ENOX1: variants seen among roughly 807,000 people sequenced by gnomAD.
The protein encoded by ENOX1 is ecto-NOX disulfide-thiol exchanger 1.
Under a neutral mutation model 82.5 loss-of-function variants are expected in ENOX1, and 42 were observed. The ratio of observed to expected loss-of-function variants is 0.51; its 90% CI spans 0.40 to 0.66. ENOX1 has a LOEUF of 0.66. ENOX1 is among the 30% of genes least tolerant of loss of function. ENOX1 has a pLI of 0.00. For missense variants in ENOX1, 608 were observed against 811.6 expected (o/e 0.75, Z 3.05); for synonymous variants, 271 against 282.2 (o/e 0.96, Z 0.40).
intron 2 of ENOX1, among the ~76,000 whole-genome samples, chr13:43,512,419 T>A (rs1360012288): frequency 6.6e-6 from 1 of 152,162 alleles, no homozygotes; most frequent in Non-Finnish European, 1.5e-5. Context: ...GGAAATGTCA[T>A]GTGAGCTGCC....
At chr13:43,332,867 A>AT (rs1467306259) in intron 9 of ENOX1, among the ~76,000 whole-genome samples, 1 of 152,070 alleles carries the variant, frequency 6.6e-6, no homozygotes, top group Admixed American at 6.5e-5. Flanking sequence ...AAGGGACGAT[A>AT]TAAAAAAAAA....
chr13:43,736,244 C>T (rs1436213909), intron 1 of ENOX1, among the ~76,000 whole-genome samples: 1 of 152,088 alleles, frequency 6.6e-6, no homozygotes, highest in Non-Finnish European at 1.5e-5. Context: ...CAAATTATGA[C>T]AAGAAAATTA....
chr13:43,321,019 T>A (rs891716140), intron 11 of ENOX1: 1 of 455,962 alleles, frequency 2.2e-6, no homozygotes, highest in African/African-American at 2.0e-5. Context: ...CATTGACACA[T>A]AAGTGCTGGG....
rs2048112801 is a variant in ENOX1 at position 43,326,329 on chromosome 13, A to ATT, written c.1143+89_1143+90insAA. The ATT allele has an allele frequency of 3.7e-6, 4 of 1,095,132 alleles. No individual in the cohort carries two copies. The Admixed American group carries it at 8.1e-5, about 22-fold the overall frequency. The allele number at this position is 1,095,132 out of a possible 1,614,324, so 67.8% of individuals were successfully genotyped here. On this transcript the variant is annotated intron_variant, in intron 10 of 16. Transcript: ENST00000690772. ...GACAATGGCAGGCGGACTGCCCACT[A>ATT]TAACAGAAACCATCATGGCTGCAGC...
Position 43,412,942 on chromosome 13 carries a change from A to G in ENOX1, c.-28T>C, listed in dbSNP as rs764546322. 1.9e-6 allele frequency: 3 copies of G among 1,613,446 alleles called. No homozygotes were observed. In the Admixed American group the frequency reaches 5.0e-5, roughly 27 times the overall value. ...AATTATGAGTGTCCAGAGGGGCAGG[A>G]ACACTTTGATGGCTGAGTGCAGGGT... On this transcript the variant is annotated 5_prime_UTR_variant, in exon 4 of 17. Coordinates refer to ENST00000690772, the MANE Select transcript of ENOX1 (RefSeq NM_001347969.2).
intron 12 of ENOX1, among the ~76,000 whole-genome samples, chr13:43,284,690 A>T (rs778363763): frequency 2.6e-5 from 4 of 152,162 alleles, no homozygotes; most frequent in African/African-American, 9.7e-5. Context: ...TCTTCCTTGG[A>T]AACTTACTGA....
chr13:43,602,440 A>G (rs2081766474), intron 2 of ENOX1, among the ~76,000 whole-genome samples: 1 of 152,128 alleles, frequency 6.6e-6, no homozygotes, highest in Non-Finnish European at 1.5e-5. Flanking sequence ...ATCAAATGAA[A>G]ATTTCAATAA....
At chr13:43,424,826 A>G (rs2055192761) in intron 3 of ENOX1, among the ~76,000 whole-genome samples, 1 of 152,124 alleles carries the variant, frequency 6.6e-6, no homozygotes, top group African/African-American at 2.4e-5. Flanking sequence ...TGGTATGGCT[A>G]TATCACTGGG....
chr13:43,721,909 A>G (rs967800362), intron 1 of ENOX1, among the ~76,000 whole-genome samples: 1 of 152,172 alleles, frequency 6.6e-6, no homozygotes, highest in Non-Finnish European at 1.5e-5. Context: ...AATGTGGTGT[A>G]TAAGGACGAA....
intron 2 of ENOX1, among the ~76,000 whole-genome samples, chr13:43,599,822 T>A (rs966260129): frequency 3.3e-5 from 5 of 151,046 alleles, no homozygotes; most frequent in African/African-American, 1.2e-4. Context: ...AAGTCCAAGT[T>A]CAGGACTTGC....
intron 1 of ENOX1, among the ~76,000 whole-genome samples, chr13:43,754,069 T>G (rs1350356077): frequency 6.9e-6 from 1 of 145,000 alleles, no homozygotes. Context: ...CATATATACG[T>G]ATATAAATAC....
chr13:43,696,479 A>T (rs78050616), intron 1 of ENOX1, among the ~76,000 whole-genome samples: 3,324 of 152,210 alleles, frequency 0.022, 120 homozygotes, highest in African/African-American at 0.074. Context: ...AGTAATTGGG[A>T]TACTTCAAAA....
intron 3 of ENOX1, among the ~76,000 whole-genome samples, chr13:43,453,055 T>C (rs2057048903): frequency 6.6e-6 from 1 of 152,232 alleles, no homozygotes; most frequent in Admixed American, 6.5e-5. Flanking sequence ...CAAGCTGTGC[T>C]ATGCTTGCTA....
intron 11 of ENOX1, among the ~76,000 whole-genome samples, chr13:43,319,156 C>T (rs2047673094): frequency 6.6e-6 from 1 of 152,198 alleles, no homozygotes; most frequent in African/African-American, 2.4e-5. Flanking sequence ...ATTATCTTCA[C>T]AGGCTTCAGA....
chr13:43,230,764 C>T lies in ENOX1; in HGVS notation c.1714+5872G>A, dbSNP rs2042242070. ...TAGAGATCATTAGGTATTATGGTTT[C>T]TCCTTTGCATCCTTATACAAAAGAT... On this transcript the variant is annotated intron_variant, in intron 15 of 16. Transcript: ENST00000690772. Among the ~76,000 whole-genome samples the T allele has an allele frequency of 2.0e-5, 3 of 152,158 alleles. No individual in the cohort carries two copies. In the South Asian group the frequency reaches 6.2e-4, roughly 32 times the overall value.
Position 43,375,768 on chromosome 13 carries a change from C to T in ENOX1, c.209-14316G>A, listed in dbSNP as rs532510639. On this transcript the variant is annotated intron_variant, in intron 5 of 16. Coordinates refer to ENST00000690772, the MANE Select transcript of ENOX1 (RefSeq NM_001347969.2). Reference sequence around the variant, plus strand: ...TCAGAGAGTGGCTACCCCATGGGCCCCAGCCACACTTTCAATAGCAGTCAT... The same window carrying T: ...TCAGAGAGTGGCTACCCCATGGGCCTCAGCCACACTTTCAATAGCAGTCAT... Among the ~76,000 whole-genome samples the T allele has an allele frequency of 3.9e-5, 6 of 152,284 alleles. No homozygotes were observed. In the South Asian group the frequency reaches 1.2e-3, roughly 32 times the overall value.
At chr13:43,579,679 G>A (rs1183991185) in intron 2 of ENOX1, among the ~76,000 whole-genome samples, 1 of 152,222 alleles carries the variant, frequency 6.6e-6, no homozygotes, top group East Asian at 1.9e-4. Flanking sequence ...AACACTGAGA[G>A]CTATGCTTGC....
intron 2 of ENOX1, among the ~76,000 whole-genome samples, chr13:43,508,525 T>C (rs550383587): frequency 3.9e-5 from 6 of 151,994 alleles, no homozygotes; most frequent in Admixed American, 6.6e-5. Context: ...CTGTATATGA[T>C]TGAGATAGAA....
intron 2 of ENOX1, among the ~76,000 whole-genome samples, chr13:43,563,639 A>AT (rs906064279): frequency 2.0e-5 from 3 of 152,134 alleles, no homozygotes; most frequent in Admixed American, 6.6e-5. Context: ...ACCTAGATTA[A>AT]TTGAGAAAAA....
Sources: gnomAD v4.1 joint callset for allele counts (sites outside exome capture counted in the v4.1 genomes callset) on GRCh38, gnomAD v4.1.1 for gene constraint, MANE v1.5 for transcripts, NCBI Gene and HGNC (gene_info 2026-07-23, HGNC 2026-07-21) for gene names.